The following SLCO3A1 variants were observed in gnomAD, a reference collection of about 807,000 sequenced individuals.
SLCO3A1 encodes solute carrier organic anion transporter family member 3A1, also known as PGE1 transporter.
In SLCO3A1, 27 loss-of-function variants were observed where a neutral mutation model predicts 63.1. That is an observed-to-expected ratio of 0.43 (90% CI 0.32 to 0.59). The LOEUF (loss-of-function observed/expected upper bound fraction) is 0.59, where lower values mean the gene tolerates loss of function less well. Ranked by LOEUF, SLCO3A1 falls within the 20% of genes least tolerant of loss-of-function variation. The pLI, the probability that SLCO3A1 is intolerant of heterozygous loss-of-function variation, is 0.09. For synonymous variants in SLCO3A1, 473 were observed against 409.9 expected (o/e 1.15, Z -1.86); for missense variants, 773 against 945.8 (o/e 0.82, Z 2.40).
intron 2 of SLCO3A1, among the ~76,000 whole-genome samples, chr15:92,054,291 C>T (rs1181538470): frequency 6.6e-6 from 1 of 152,118 alleles, no homozygotes; most frequent in Non-Finnish European, 1.5e-5. Context: ...TGGAGCTGTC[C>T]TAAAAATTGA....
At position 91,865,401 on chromosome 15, in the gene SLCO3A1, G is replaced by A. The variant is rs1158012320; in HGVS notation, c.180+11313G>A. On this transcript the variant is annotated intron_variant, in intron 1 of 9. Coordinates refer to ENST00000318445, the MANE Select transcript of SLCO3A1 (RefSeq NM_013272.4). The surrounding 1 kb of genome is among the most constrained non-coding windows in gnomAD (Gnocchi z 4.6). ...TGGAGGGGAGAGGGTGGATGAGATG[G>A]TAGGCATTTCAGAAGGAAAAAACCA... Among the ~76,000 whole-genome samples the A allele has an allele frequency of 6.6e-6, 1 of 152,176 alleles. No individual in the cohort carries two copies. Among genetic ancestry groups the A allele is most frequent in the Non-Finnish European group, 1.5e-5 (1 of 68,036 alleles).
At chr15:92,145,592 TG>T (rs2048211453) in intron 7 of SLCO3A1, among the ~76,000 whole-genome samples, 1 of 152,072 alleles carries the variant, frequency 6.6e-6, no homozygotes, top group African/African-American at 2.4e-5. Flanking sequence ...GAGGCTGGGA[TG>T]TGCCCAGTGA....
In SLCO3A1 at chr15:91,950,068, C is replaced by T. The variant is rs1238383280; in HGVS notation, c.646+33610C>T. ...GATTCTATACGGAAGAGATAAATGCCCTGCTGTGGAAATGTAGAGGAGGAA... is the reference window on the plus strand; with the variant it reads ...GATTCTATACGGAAGAGATAAATGCTCTGCTGTGGAAATGTAGAGGAGGAA... On this transcript the variant is annotated intron_variant, in intron 2 of 9. Transcript: ENST00000318445. The surrounding 1 kb of genome is among the most constrained non-coding windows in gnomAD (Gnocchi z 4.4). Among the ~76,000 whole-genome samples the T allele has an allele frequency of 6.6e-6, 1 of 152,108 alleles. No individual in the cohort carries two copies. Among genetic ancestry groups the T allele is most frequent in the African/African-American group, 2.4e-5 (1 of 41,414 alleles).
rs561004301 is a variant in SLCO3A1, at chr15:91,952,278, A to T, written c.646+35820A>T. ...TTCTGGATACTAGGCCAGATCTGTCATTTGCAAATGTTTTCTGTCATCCTG... is the reference window on the plus strand; with the variant it reads ...TTCTGGATACTAGGCCAGATCTGTCTTTTGCAAATGTTTTCTGTCATCCTG... On this transcript the variant is annotated intron_variant, in intron 2 of 9. Transcript: ENST00000318445. 9.8e-5 allele frequency among the ~76,000 whole-genome samples: 15 copies of T among 152,290 alleles called. No individual in the cohort carries two copies. The East Asian group carries it at 2.7e-3, about 27-fold the overall frequency.
At chr15:91,913,488 G>A (rs189207094) in intron 1 of SLCO3A1, among the ~76,000 whole-genome samples, 125 of 152,348 alleles carry the variant, frequency 8.2e-4, no homozygotes, top group African/African-American at 2.9e-3. Flanking sequence ...AGTGCTCCCC[G>A]AGTGCCTCCA....
chr15:91,933,314 C>G (rs1285683930), intron 2 of SLCO3A1, among the ~76,000 whole-genome samples: 1 of 152,130 alleles, frequency 6.6e-6, no homozygotes, highest in Non-Finnish European at 1.5e-5. Flanking sequence ...GCTTCAAACT[C>G]AAATCTACAA....
At chr15:91,910,689 G>C (rs934732771) in intron 1 of SLCO3A1, among the ~76,000 whole-genome samples, 2 of 152,216 alleles carry the variant, frequency 1.3e-5, no homozygotes, top group African/African-American at 4.8e-5. Flanking sequence ...GACTTACACT[G>C]ATAGGACCAG....
intron 1 of SLCO3A1, among the ~76,000 whole-genome samples, chr15:91,879,517 A>G (rs1203944269): frequency 2.2e-5 from 3 of 133,672 alleles, no homozygotes; most frequent in Non-Finnish European, 3.3e-5. Flanking sequence ...CGTAGCTACT[A>G]TGATGCCTAT....
intron 1 of SLCO3A1, among the ~76,000 whole-genome samples, chr15:91,911,556 C>T (rs1898485778): frequency 6.6e-6 from 1 of 152,106 alleles, no homozygotes; most frequent in African/African-American, 2.4e-5. Flanking sequence ...GTCAGTGGTC[C>T]TCATCTCCAG....
chr15:91,879,599 C>T (rs12442322), intron 1 of SLCO3A1, among the ~76,000 whole-genome samples: 26,963 of 151,920 alleles, frequency 0.18, 2,692 homozygotes, highest in Middle Eastern at 0.29. Flanking sequence ...AAGAAAAATA[C>T]GAAGAAGAGA....
At chr15:92,134,065 G>A (rs2048027651) in intron 7 of SLCO3A1, among the ~76,000 whole-genome samples, 1 of 152,234 alleles carries the variant, frequency 6.6e-6, no homozygotes, top group Non-Finnish European at 1.5e-5. Context: ...CTGCACCCCA[G>A]TAGGGCAGTG....
Position 92,096,717 on chromosome 15 carries a change from C to T in SLCO3A1, c.745+1738C>T, listed in dbSNP as rs141686072. Among the ~76,000 whole-genome samples the T allele has an allele frequency of 7.7e-4, 117 of 152,194 alleles. 1 individual carries two copies. Among genetic ancestry groups the T allele is most frequent in the African/African-American group, 2.6e-3 (108 of 41,510 alleles). ...AAATAATGTGGTTTTAAATCCAAGTCGCTTTGTGATTCACTCCATTAATCC... is the reference window on the plus strand; with the variant it reads ...AAATAATGTGGTTTTAAATCCAAGTTGCTTTGTGATTCACTCCATTAATCC... On this transcript the variant is annotated intron_variant, in intron 3 of 9. Coordinates refer to ENST00000318445, the MANE Select transcript of SLCO3A1 (RefSeq NM_013272.4).
chr15:92,085,390 T>G (rs149228560), intron 2 of SLCO3A1, among the ~76,000 whole-genome samples: 1 of 152,338 alleles, frequency 6.6e-6, no homozygotes, highest in East Asian at 1.9e-4. Flanking sequence ...GACCCAGTTT[T>G]GCGTAGGCAT....
intron 2 of SLCO3A1, among the ~76,000 whole-genome samples, chr15:92,032,269 A>G (rs2046660449): frequency 6.6e-6 from 1 of 152,070 alleles, no homozygotes; most frequent in Admixed American, 6.6e-5. Flanking sequence ...AGAATGAGGG[A>G]GCAGTGGGGC....
intron 2 of SLCO3A1, among the ~76,000 whole-genome samples, chr15:92,081,715 G>A (rs1247911486): frequency 2.6e-5 from 4 of 152,332 alleles, no homozygotes; most frequent in African/African-American, 4.8e-5. Flanking sequence ...GGCAGCAAGG[G>A]CAGAGGCTGG....
At chr15:92,127,895 G>A (rs1484305444) in intron 6 of SLCO3A1, among the ~76,000 whole-genome samples, 1 of 152,174 alleles carries the variant, frequency 6.6e-6, no homozygotes, top group Non-Finnish European at 1.5e-5. Flanking sequence ...GAGGGAAGAA[G>A]TTAAATCCTC....
downstream of SLCO3A1, among the ~76,000 whole-genome samples, chr15:92,168,342 A>G (rs776824591): frequency 2.0e-5 from 3 of 152,208 alleles, no homozygotes; most frequent in Admixed American, 6.5e-5. Flanking sequence ...CGCCACCAAA[A>G]CATTCACAAG....
At chr15:92,043,657 C>T (rs2046825329) in intron 2 of SLCO3A1, among the ~76,000 whole-genome samples, 1 of 152,224 alleles carries the variant, frequency 6.6e-6, no homozygotes, top group Admixed American at 6.5e-5. Context: ...CTGAAGTTCC[C>T]ACCAGGTTCC....
In SLCO3A1 at chr15:92,104,449, G is replaced by A. The variant is rs767240475; in HGVS notation, c.916G>A (p.Glu306Lys). 23 of 1,614,022 alleles carry A rather than the reference G, an allele frequency of 1.4e-5. No individual in the cohort carries two copies. Among genetic ancestry groups the A allele is most frequent in the Middle Eastern group, 1.6e-4 (1 of 6,084 alleles). ...AMESEQAMLSEREYERPKPSN... is the reference protein window; with the variant it reads ...AMESEQAMLSKREYERPKPSN... ...GGAAAGCGAGCAGGCCATGCTCTCCGAAAGAGAATACGAGAGACCCAAGCC... is the reference window on the plus strand; with the variant it reads ...GGAAAGCGAGCAGGCCATGCTCTCCAAAAGAGAATACGAGAGACCCAAGCC... Residue 306 changes from glutamate (E) to lysine (K), a missense_variant, in exon 4 of 10, where the codon GAA becomes AAA. Physicochemically the swap from Glu to Lys is moderately conservative, Grantham distance 56 (BLOSUM62 1). Transcript: ENST00000318445.
Sources: allele counts gnomAD v4.1 joint callset (sites outside exome capture counted in the v4.1 genomes callset), GRCh38; gene constraint gnomAD v4.1.1; non-coding constraint Gnocchi (gnomAD v3.1); transcripts MANE v1.5; gene names NCBI Gene and HGNC (gene_info 2026-07-23, HGNC 2026-07-21).